The following CRHR1 variants were observed in gnomAD, a reference collection of about 807,000 sequenced individuals.
CRHR1 encodes corticotropin releasing hormone receptor 1.
In CRHR1, 28 loss-of-function variants were observed where a neutral mutation model predicts 56.0. The observed-to-expected ratio is 0.50, with a 90% confidence interval of 0.37 to 0.69. The LOEUF (loss-of-function observed/expected upper bound fraction) is 0.69, where lower values mean the gene tolerates loss of function less well. Ranked by LOEUF, CRHR1 falls within the 30% of genes least tolerant of loss-of-function variation. The pLI is 0.00. For synonymous variants in CRHR1, 195 were observed against 216.5 expected (o/e 0.90, Z 0.87); for missense variants, 376 against 548.0 (o/e 0.69, Z 3.13).
At chr17:45,825,168 C>T (rs145565744) in intron 4 of CRHR1, among the ~76,000 whole-genome samples, 2 of 152,346 alleles carry the variant, frequency 1.3e-5, no homozygotes, top group African/African-American at 2.4e-5. Flanking sequence ...CCTGGGGTAT[C>T]GCAGATAATG....
intron 1 of CRHR1, among the ~76,000 whole-genome samples, chr17:45,787,622 T>A (rs1778081287): frequency 6.6e-6 from 1 of 152,196 alleles, no homozygotes. Flanking sequence ...GCTGTGGCCA[T>A]TGGGCAGCCC....
intron 12 of CRHR1, among the ~76,000 whole-genome samples, chr17:45,834,339 G>A (rs1009457073): frequency 6.6e-6 from 1 of 152,238 alleles, no homozygotes; most frequent in African/African-American, 2.4e-5. Context: ...CTGGGCAGGG[G>A]ATACATGTGG....
intron 8 of CRHR1, among the ~76,000 whole-genome samples, chr17:45,832,618 C>T (rs1421794800): frequency 6.6e-6 from 1 of 152,230 alleles, no homozygotes; most frequent in African/African-American, 2.4e-5. Context: ...GAGGGACACT[C>T]GGGAAAATGC....
In CRHR1 at chr17:45,809,751, G is replaced by T. The variant is rs529985554; in HGVS notation, c.121+2654G>T. Among the ~76,000 whole-genome samples the T allele has an allele frequency of 3.3e-5, 5 of 152,354 alleles. No homozygotes were observed. The East Asian group carries it at 5.8e-4, about 18-fold the overall frequency. ...GGCTGGCACCGAGCCAGGGCCTTTG[G>T]GGGGCCTTTTACGTGCCTCATGCCA... On this transcript the variant is annotated intron_variant, in intron 2 of 12. Transcript: ENST00000314537.
intron 1 of CRHR1, among the ~76,000 whole-genome samples, chr17:45,794,633 A>T (rs923160446): frequency 5.9e-5 from 9 of 152,302 alleles, no homozygotes; most frequent in African/African-American, 2.2e-4. Context: ...GCGGGTTCTG[A>T]GCAGGCCCCT....
At chr17:45,814,902 G>C (rs1372000421) in intron 2 of CRHR1, among the ~76,000 whole-genome samples, 3 of 152,282 alleles carry the variant, frequency 2.0e-5, no homozygotes, top group Non-Finnish European at 4.4e-5. Flanking sequence ...TGGCCTGAAG[G>C]CCTCTGCCCC....
intron 4 of CRHR1, 81 bp downstream of exon 4, chr17:45,821,521 T>C (rs17762882): frequency 0.18 from 236,888 of 1,293,140 alleles, 25,528 homozygotes; most frequent in Non-Finnish European, 0.22. Flanking sequence ...CTACTTGGAG[T>C]CAGGGAGCCA....
chr17:45,790,932 A>G (rs994182474), intron 1 of CRHR1, among the ~76,000 whole-genome samples: 3 of 152,168 alleles, frequency 2.0e-5, no homozygotes, highest in African/African-American at 4.8e-5. Flanking sequence ...TTGGGACAAT[A>G]TATTGGTCAT....
chr17:45,805,041 C>T (rs1434805796), intron 1 of CRHR1, among the ~76,000 whole-genome samples: 1 of 152,012 alleles, frequency 6.6e-6, no homozygotes, highest in African/African-American at 2.4e-5. Flanking sequence ...TCTTGAACTG[C>T]TGACCTCGTG....
At chr17:45,814,762 G>A (rs760840047) in intron 2 of CRHR1, among the ~76,000 whole-genome samples, 6 of 152,208 alleles carry the variant, frequency 3.9e-5, no homozygotes, top group Non-Finnish European at 7.3e-5. Flanking sequence ...CTGCCACTCC[G>A]TGATAACATT....
chr17:45,784,446 C>T lies in CRHR1; in HGVS notation c.-99C>T, dbSNP rs932620570. 28 of 1,237,698 alleles carry T rather than the reference C, an allele frequency of 2.3e-5. No individual in the cohort carries two copies. Among genetic ancestry groups the T allele is most frequent in the Non-Finnish European group, 2.4e-5 (22 of 919,504 alleles). 76.7% of individuals were successfully genotyped at this position (1,237,698 alleles called of 1,614,324 possible). On this transcript the variant is annotated 5_prime_UTR_variant, in exon 1 of 13. Transcript: ENST00000314537. The surrounding 1 kb of genome is among the most constrained non-coding windows in gnomAD (Gnocchi z 4.2). ...CCAGGCAGCGACCGAGGAGCCCGGC[C>T]GCCCACCCCGTGCCGCCCGAGCCCG... is the stretch of plus-strand genomic sequence containing the variant.
intron 3 of CRHR1, among the ~76,000 whole-genome samples, chr17:45,818,480 G>C (rs2061972710): frequency 6.6e-6 from 1 of 152,244 alleles, no homozygotes; most frequent in African/African-American, 2.4e-5. Context: ...TGGTTAAGTA[G>C]CCCTTGGCAC....
At position 45,821,378 on chromosome 17, in the gene CRHR1, G is replaced by A. The variant is rs759254517; in HGVS notation, c.265G>A (p.Ala89Thr). 1.2e-6 allele frequency: 2 copies of A among 1,613,458 alleles called. No homozygotes were observed. Among genetic ancestry groups the A allele is most frequent in the East Asian group, 4.5e-5 (2 of 44,888 alleles). Residue 89 changes from alanine (A) to threonine (T), a missense_variant, in exon 4 of 13, where the codon GCC (alanine) becomes ACC (threonine). Physicochemically the swap from Ala to Thr is moderately conservative, Grantham distance 58. This residue lies in a region of CRHR1 where 369 missense variants were observed against 519.5 expected (regional missense o/e 0.71). Transcript: ENST00000314537. ...TTNNGYRECL[A>T]NGSWAARVNY... ...AGACAATGGCTACCGGGAGTGCCTG[G>A]CCAATGGCAGCTGGGCCGCCCGCGT...
chr17:45,787,083 G>T (rs2061349814), intron 1 of CRHR1, among the ~76,000 whole-genome samples: 1 of 152,182 alleles, frequency 6.6e-6, no homozygotes, highest in African/African-American at 2.4e-5. Context: ...CAACAAGTCA[G>T]CCAGTGTTGG....
At position 45,830,531 on chromosome 17, in the gene CRHR1, G is replaced by A. The variant is rs1386230843; in HGVS notation, c.670G>A (p.Asp224Asn). The A allele has an allele frequency of 6.2e-7, 1 of 1,613,038 alleles. No homozygotes were observed. The highest frequency in any genetic ancestry group is 8.5e-7 in the Non-Finnish European group (1 of 1,179,740). ...AGCCATCGTGCTCACCTACTCCACT[G>A]ACCGGCTGCGCAAATGGATGTTCAT... ...HTAIVLTYST[D>N]RLRKWMFICI... Residue 224 changes from aspartate (D) to asparagine (N), a missense_variant, in exon 7 of 13, where the codon GAC becomes AAC. Around this residue, in one of 2 missense-constraint regions of CRHR1, gnomAD observed 369 missense variants for 519.5 expected, o/e 0.71. Transcript: ENST00000314537.
rs539667853 is a variant in CRHR1, at chr17:45,813,426, T to G, written c.122-3037T>G. On this transcript the variant is annotated intron_variant, in intron 2 of 12. Coordinates refer to ENST00000314537, the MANE Select transcript of CRHR1 (RefSeq NM_004382.5). ...TTCTCCTCCCCGTTCTTGCAGCCTC[T>G]CTCTCCCTTTCTTCCCGTCTCACAC... 6.6e-4 allele frequency among the ~76,000 whole-genome samples: 101 copies of G among 152,030 alleles called. 1 individual carries two copies. The highest frequency in any genetic ancestry group is 1.2e-3 in the Non-Finnish European group (81 of 67,998).
intron 2 of CRHR1, among the ~76,000 whole-genome samples, chr17:45,814,185 T>C (rs758435226): frequency 6.6e-6 from 1 of 152,232 alleles, no homozygotes; most frequent in Non-Finnish European, 1.5e-5. Context: ...AACATTACAT[T>C]TGAGCCTAGC....
intron 1 of CRHR1, among the ~76,000 whole-genome samples, chr17:45,795,304 C>T (rs150979794): frequency 2.1e-3 from 315 of 152,308 alleles, no homozygotes; most frequent in Non-Finnish European, 3.8e-3. Context: ...ACTCTACAGC[C>T]ACCTTCCTCC....
intron 1 of CRHR1, among the ~76,000 whole-genome samples, chr17:45,795,049 G>A (rs187479442): frequency 3.5e-3 from 529 of 152,316 alleles, no homozygotes; most frequent in Non-Finnish European, 5.0e-3. Flanking sequence ...CCCTGCAGGA[G>A]GAGATCTGGA....
Sources: allele counts gnomAD v4.1 joint callset (sites outside exome capture counted in the v4.1 genomes callset), GRCh38; gene constraint gnomAD v4.1.1; regional missense constraint gnomAD v4.1.1; non-coding constraint Gnocchi (gnomAD v3.1); transcripts MANE v1.5; gene names NCBI Gene and HGNC (gene_info 2026-07-23, HGNC 2026-07-21).